WNT5B: variants seen among roughly 807,000 people sequenced by gnomAD.
WNT5B encodes the protein protein Wnt-5b.
A neutral mutation model predicts 36.5 loss-of-function variants in WNT5B; 18 were observed. The ratio of observed to expected loss-of-function variants is 0.49; its 90% CI spans 0.34 to 0.73. The LOEUF (loss-of-function observed/expected upper bound fraction) is 0.73. Ranked by LOEUF, WNT5B falls within the 30% of genes least tolerant of loss-of-function variation. The pLI is 0.01. For missense variants in WNT5B, 424 were observed against 508.4 expected (o/e 0.83, Z 1.60); for synonymous variants, 213 against 212.3 (o/e 1.00, Z -0.03).
intron 4 of WNT5B, among the ~76,000 whole-genome samples, chr12:1,642,808 T>C (rs1643989135): frequency 6.6e-6 from 1 of 152,196 alleles, no homozygotes; most frequent in Non-Finnish European, 1.5e-5. Flanking sequence ...TCTCCCCGCT[T>C]AGCCCCTTCC....
At chr12:1,627,214 G>A (rs1339432939), upstream of WNT5B, among the ~76,000 whole-genome samples, 1 of 152,202 alleles carries the variant, frequency 6.6e-6, no homozygotes, top group East Asian at 1.9e-4. The surrounding 1 kb of genome is among the most constrained non-coding windows in gnomAD (Gnocchi z 5.0). Flanking sequence ...GACAAAGGAG[G>A]CCTGCTCAGC....
chr12:1,627,267 A>G (rs2094542563), upstream of WNT5B, among the ~76,000 whole-genome samples: 1 of 152,182 alleles, frequency 6.6e-6, no homozygotes, highest in Admixed American at 6.5e-5. The surrounding 1 kb of genome is among the most constrained non-coding windows in gnomAD (Gnocchi z 5.0). Context: ...CTATTTCTGG[A>G]CAGGTTTCTG....
chr12:1,629,723 A>G (rs1006147075), intron 1 of WNT5B, among the ~76,000 whole-genome samples: 1 of 151,734 alleles, frequency 6.6e-6, no homozygotes, highest in Admixed American at 6.6e-5. Context: ...TCCTGGTGCC[A>G]GCCCTATCTC....
At position 1,630,261 on chromosome 12, in the gene WNT5B, G is replaced by A; in HGVS notation, c.-58+890G>A. On this transcript the variant is annotated intron_variant, in intron 1 of 4. Transcript: ENST00000397196. This position sits in a 1 kb window ranked among gnomAD's most constrained non-coding sequence, Gnocchi z 5.3. ...CCCGGGGAGGCCGCTGGGGGCGCGG[G>A]TCACGCCCAGACGGGGGCCCCGGAG... is the stretch of plus-strand genomic sequence containing the variant. 1.0e-6 allele frequency: 1 copy of A among 983,704 alleles called. No homozygotes were observed. Among genetic ancestry groups the A allele is most frequent in the Non-Finnish European group, 1.2e-6 (1 of 828,388 alleles). 60.9% of individuals were successfully genotyped at this position (983,704 alleles called of 1,614,324 possible). A position where few individuals can be genotyped will look rare whatever the true frequency, so the allele number is the denominator to read the frequency against.
chr12:1,632,684 G>A lies in WNT5B; in HGVS notation c.107G>A (p.Arg36Lys), dbSNP rs761112257. 2 of 1,608,366 alleles carry A rather than the reference G, an allele frequency of 1.2e-6. No homozygotes were observed. Among genetic ancestry groups the A allele is most frequent in the South Asian group, 2.2e-5 (2 of 91,006 alleles). Residue 36 changes from arginine to lysine, a missense_variant, in exon 3 of 5, where the codon AGA (arginine) becomes AAA (lysine). Transcript: ENST00000397196. The surrounding 1 kb of genome is among the most constrained non-coding windows in gnomAD (Gnocchi z 5.8). ...TCATTAGCTTTGAACCCGGTGCAGA[G>A]ACCCGAGATGTTTATCATCGGTGCC... ...WWSLALNPVQRPEMFIIGAQP... is the reference protein window; with the variant it reads ...WWSLALNPVQKPEMFIIGAQP...
In WNT5B at chr12:1,633,018, C is replaced by T; in HGVS notation, c.328+113C>T. The T allele has an allele frequency of 6.9e-7, 1 of 1,458,134 alleles. No individual in the cohort carries two copies. Among genetic ancestry groups the T allele is most frequent in the Non-Finnish European group, 9.1e-7 (1 of 1,093,562 alleles). The allele number at this position is 1,458,134 out of a possible 1,614,324, so 90.3% of individuals were successfully genotyped here. On this transcript the variant is annotated intron_variant, in intron 3 of 4. Transcript: ENST00000397196. This position sits in a 1 kb window ranked among gnomAD's most constrained non-coding sequence, Gnocchi z 4.8. ...AGAGCCCAAAGGCAGCCTAAGTGGG[C>T]TCTCTCTAGGCTTGGCAGCAGTGTG... is the stretch of plus-strand genomic sequence containing the variant.
intron 3 of WNT5B, among the ~76,000 whole-genome samples, chr12:1,635,396 ATAGT>A (rs1190577240): frequency 6.6e-6 from 1 of 152,252 alleles, no homozygotes; most frequent in African/African-American, 2.4e-5. Flanking sequence ...AAAAGGCTTA[ATAGT>A]TGTTTTCAAA....
intron 1 of WNT5B, among the ~76,000 whole-genome samples, chr12:1,623,345 A>G (rs6489302): frequency 0.56 from 82,729 of 148,192 alleles, 23,180 homozygotes; most frequent in African/African-American, 0.67. Context: ...ACAGGCGCCC[A>G]CCACCACACC....
upstream of WNT5B, among the ~76,000 whole-genome samples, chr12:1,627,508 T>C (rs144974871): frequency 7.3e-3 from 1,111 of 152,336 alleles, 10 homozygotes; most frequent in Middle Eastern, 0.027. This position sits in a 1 kb window ranked among gnomAD's most constrained non-coding sequence, Gnocchi z 5.0. Context: ...GCTTGGGGTC[T>C]CAGCTTTACC....
At position 1,639,988 on chromosome 12, in the gene WNT5B, C is replaced by T; in HGVS notation, c.621+12C>T. The T allele has an allele frequency of 6.2e-7, 1 of 1,602,006 alleles. No individual in the cohort carries two copies. The highest frequency in any genetic ancestry group is 8.5e-7 in the Non-Finnish European group (1 of 1,174,974). On this transcript the variant is annotated intron_variant, in intron 4 of 4. Transcript: ENST00000397196. The stretch of plus-strand genomic sequence containing the variant: ...AGGCCGGTCGCAGGGTAAGCTGGGC[C>T]TCCCCGGCCTCCCCAGCACTGCAGA...
intron 4 of WNT5B, among the ~76,000 whole-genome samples, chr12:1,642,805 G>A (rs1023227295): frequency 3.3e-5 from 5 of 152,010 alleles, no homozygotes; most frequent in African/African-American, 9.7e-5. Context: ...CTGTCTCCCC[G>A]CTTAGCCCCT....
At chr12:1,625,045 GA>G (rs1482595150), upstream of WNT5B, among the ~76,000 whole-genome samples, 1 of 152,132 alleles carries the variant, frequency 6.6e-6, no homozygotes, top group African/African-American at 2.4e-5. Flanking sequence ...GCTTCCTTGG[GA>G]AGAGGATCAG....
Position 1,646,006 on chromosome 12 carries a change from G to A in WNT5B, c.834G>A (p.Leu278=), listed in dbSNP as rs775707220. 4 of 1,612,366 alleles carry A rather than the reference G, an allele frequency of 2.5e-6. No individual in the cohort carries two copies. The highest frequency in any genetic ancestry group is 3.4e-6 in the Non-Finnish European group (4 of 1,179,936). The part of the protein sequence containing the change: ...SRFTQPTPED[L]VYVDPSPDYC... Reference sequence around the variant, plus strand: ...TCACCCAGCCCACCCCGGAGGACCTGGTCTATGTGGACCCCAGCCCCGACT... The same window carrying A: ...TCACCCAGCCCACCCCGGAGGACCTAGTCTATGTGGACCCCAGCCCCGACT... The change falls in exon 5 of 5, where the codon CTG becomes CTA. Residue 278 remains leucine (L), a synonymous_variant. Coordinates refer to ENST00000397196, the MANE Select transcript of WNT5B (RefSeq NM_032642.3).
rs928971102 is a variant in WNT5B at position 1,646,480 on chromosome 12, C to G, written c.*228C>G. The G allele has an allele frequency of 1.0e-5, 3 of 300,470 alleles. No homozygotes were observed. The highest frequency in any genetic ancestry group is 1.8e-5 in the Non-Finnish European group (3 of 168,546). The allele number at this position is 300,470 out of a possible 1,614,324, so 18.6% of individuals were successfully genotyped here. On this transcript the variant is annotated 3_prime_UTR_variant, in exon 5 of 5. Coordinates refer to ENST00000397196, the MANE Select transcript of WNT5B (RefSeq NM_032642.3). ...GGGTGGGAGACAGGGCTTTTTCTCT[C>G]CCTCTGGCGAGGACTCTCAGGATGT...
chr12:1,639,189 G>C (rs993490651), intron 3 of WNT5B, among the ~76,000 whole-genome samples: 50 of 150,682 alleles, frequency 3.3e-4, no homozygotes, highest in Admixed American at 7.9e-4. Flanking sequence ...CCAGGCTGGA[G>C]TGCAGTGGCG....
chr12:1,630,076 C>T lies in WNT5B; in HGVS notation c.-58+705C>T, dbSNP rs2094547403. 8.3e-6 allele frequency: 8 copies of T among 961,392 alleles called. No individual in the cohort carries two copies. Among genetic ancestry groups the T allele is most frequent in the Non-Finnish European group, 9.9e-6 (8 of 808,140 alleles). 59.6% of individuals were successfully genotyped at this position (961,392 alleles called of 1,614,324 possible). ...TGTCCCAGCTCTCCTGGACCCTGCTCGGGCCACTGTCCTCTCCTGGCGGCC... is the reference window on the plus strand; with the variant it reads ...TGTCCCAGCTCTCCTGGACCCTGCTTGGGCCACTGTCCTCTCCTGGCGGCC... On this transcript the variant is annotated intron_variant, in intron 1 of 4. Transcript: ENST00000397196. This position sits in a 1 kb window ranked among gnomAD's most constrained non-coding sequence, Gnocchi z 5.3.
At position 1,631,366 on chromosome 12, in the gene WNT5B, GC is replaced by G. The variant is rs2094550441; in HGVS notation, c.13del (p.Leu5CysfsTer16). 1 of 1,613,694 alleles carries G rather than the reference GC, an allele frequency of 6.2e-7. No individual in the cohort carries two copies. The highest frequency in any genetic ancestry group is 1.3e-5 in the African/African-American group (1 of 74,934). On this transcript the variant is annotated frameshift_variant, in exon 2 of 5. Coordinates refer to ENST00000397196, the MANE Select transcript of WNT5B (RefSeq NM_032642.3). LOFTEE classifies it high-confidence loss of function. MPSL[L>X]LLFTAALLSS... is the part of the protein sequence containing the mutation. ...GGCTGAGGCCGACCATGCCCAGCCT[GC>G]TGCTGCTGTTCACGGCTGCTCTGCT...
intron 1 of WNT5B, among the ~76,000 whole-genome samples, chr12:1,629,721 C>T (rs966539669): frequency 6.6e-6 from 1 of 152,024 alleles, no homozygotes; most frequent in African/African-American, 2.4e-5. Context: ...GCTCCTGGTG[C>T]CAGCCCTATC....
intron 4 of WNT5B, among the ~76,000 whole-genome samples, chr12:1,643,662 G>A (rs1013539463): frequency 1.3e-5 from 2 of 149,854 alleles, no homozygotes; most frequent in African/African-American, 2.5e-5. Flanking sequence ...CACCATGCCC[G>A]GCGAACTAAA....
Sources: allele counts gnomAD v4.1 joint callset (sites outside exome capture counted in the v4.1 genomes callset), GRCh38; gene constraint gnomAD v4.1.1; non-coding constraint Gnocchi (gnomAD v3.1); transcripts MANE v1.5; gene names NCBI Gene and HGNC (gene_info 2026-07-23, HGNC 2026-07-21).